SUSD6: variants seen among roughly 807,000 people sequenced by gnomAD.
SUSD6 encodes the protein sushi domain-containing protein 6.
A neutral mutation model predicts 28.4 loss-of-function variants in SUSD6; 16 were observed. The observed-to-expected ratio is 0.56, with a 90% CI of 0.38 to 0.86. SUSD6 has a LOEUF of 0.86. SUSD6 is among the 40% of genes least tolerant of loss of function. The pLI, the probability that SUSD6 is intolerant of heterozygous loss-of-function variation, is 0.00. For synonymous variants in SUSD6, 147 were observed against 159.6 expected (o/e 0.92, Z 0.59); for missense variants, 341 against 384.2 (o/e 0.89, Z 0.94).
chr14:69,712,029 G>A lies in SUSD6; in HGVS notation c.*1050G>A, dbSNP rs1264143909. ...TCTGGGTTTGTGGTGACGGAGGGGA[G>A]GCCGAGAGGCACAGACCAAGTCCCC... On this transcript the variant is annotated 3_prime_UTR_variant, in exon 6 of 6. Coordinates refer to ENST00000342745, the MANE Select transcript of SUSD6 (RefSeq NM_014734.4). The A allele has an allele frequency of 6.6e-6, 1 of 152,350 alleles. No homozygotes were observed. Among genetic ancestry groups the A allele is most frequent in the African/African-American group, 2.4e-5 (1 of 41,450 alleles). The allele number at this position is 152,350 out of a possible 1,614,324, so 9.4% of individuals were successfully genotyped here.
Position 69,658,569 on chromosome 14 carries a change from TA to T in SUSD6, c.-17del, listed in dbSNP as rs1474875337. ...TTCTGGATTTTAAATTTTTTCTTTT[TA>T]AAAAAACTTGGACGGATAAAAGATG... On this transcript the variant is annotated 5_prime_UTR_variant, in exon 2 of 6. Coordinates refer to ENST00000342745, the MANE Select transcript of SUSD6 (RefSeq NM_014734.4). 3 of 1,612,378 alleles carry T rather than the reference TA, an allele frequency of 1.9e-6. No homozygotes were observed. The highest frequency in any genetic ancestry group is 1.1e-5 in the South Asian group (1 of 90,748).
Position 69,714,081 on chromosome 14 carries a change from T to A in SUSD6, c.*3102T>A, listed in dbSNP as rs1886510986. On this transcript the variant is annotated 3_prime_UTR_variant, in exon 6 of 6. Coordinates refer to ENST00000342745, the MANE Select transcript of SUSD6 (RefSeq NM_014734.4). Reference sequence around the variant, plus strand: ...GAAATCGACTGAATCCTGGCCACTTTATGAGTTTGTTTGGTTTTATAAGGC... The same window carrying A: ...GAAATCGACTGAATCCTGGCCACTTAATGAGTTTGTTTGGTTTTATAAGGC... The A allele has an allele frequency of 2.0e-5, 3 of 152,218 alleles. No homozygotes were observed. The highest frequency in any genetic ancestry group is 4.4e-5 in the Non-Finnish European group (3 of 68,050). 9.4% of individuals were successfully genotyped at this position (152,218 alleles called of 1,614,324 possible).
intron 1 of SUSD6, among the ~76,000 whole-genome samples, chr14:69,616,001 T>C (rs1884954423): frequency 6.6e-6 from 1 of 152,262 alleles, no homozygotes; most frequent in Admixed American, 6.5e-5. Flanking sequence ...TCCCCGCTCC[T>C]ACACACATAC....
At chr14:69,702,960 G>A (rs1170951724) in intron 2 of SUSD6, among the ~76,000 whole-genome samples, 2 of 152,128 alleles carry the variant, frequency 1.3e-5, no homozygotes, top group East Asian at 1.9e-4. Flanking sequence ...AAGAGTGCAC[G>A]TTTTTATTAT....
chr14:69,657,888 C>T (rs955341230), intron 1 of SUSD6, among the ~76,000 whole-genome samples: 9 of 152,112 alleles, frequency 5.9e-5, no homozygotes, highest in Non-Finnish European at 1.3e-4. Context: ...AATTGCAGCC[C>T]ATTCTCCATG....
chr14:69,661,401 G>A (rs894624313), intron 2 of SUSD6, among the ~76,000 whole-genome samples: 20 of 152,112 alleles, frequency 1.3e-4, no homozygotes, highest in African/African-American at 4.8e-5. Flanking sequence ...GGAAAAATGT[G>A]TCTGTTTATA....
intron 2 of SUSD6, among the ~76,000 whole-genome samples, chr14:69,688,766 CTT>C (rs1886111746): frequency 1.3e-5 from 2 of 152,296 alleles, no homozygotes; most frequent in South Asian, 4.1e-4. Context: ...TGTAGGCAGA[CTT>C]ATATGGGCAG....
chr14:69,641,147 T>C (rs1885345662), intron 1 of SUSD6, among the ~76,000 whole-genome samples: 1 of 152,246 alleles, frequency 6.6e-6, no homozygotes, highest in Admixed American at 6.5e-5. Flanking sequence ...CTGTCTGCCA[T>C]GTGTCTAATT....
chr14:69,676,507 G>A (rs1035864896), intron 2 of SUSD6, among the ~76,000 whole-genome samples: 3 of 152,086 alleles, frequency 2.0e-5, no homozygotes, highest in African/African-American at 7.2e-5. Context: ...AGCCTTCTGA[G>A]TAGCTGGGAC....
intron 1 of SUSD6, among the ~76,000 whole-genome samples, chr14:69,616,893 A>G (rs1884967426): frequency 6.6e-6 from 1 of 152,106 alleles, no homozygotes; most frequent in South Asian, 2.1e-4. Flanking sequence ...ATCTATCACC[A>G]TAATCTAATT....
chr14:69,682,867 C>G (rs914674917), intron 2 of SUSD6, among the ~76,000 whole-genome samples: 1 of 151,234 alleles, frequency 6.6e-6, no homozygotes, highest in African/African-American at 2.4e-5. Flanking sequence ...CTAGAACAGG[C>G]TTTGCCAAGG....
intron 1 of SUSD6, among the ~76,000 whole-genome samples, chr14:69,644,246 C>T (rs1433237335): frequency 2.0e-5 from 3 of 152,134 alleles, no homozygotes; most frequent in African/African-American, 7.2e-5. Context: ...TTCATAAGCC[C>T]TGTCTGGAGG....
chr14:69,639,051 T>A (rs1566592341), intron 1 of SUSD6, among the ~76,000 whole-genome samples: 1 of 152,004 alleles, frequency 6.6e-6, no homozygotes, highest in East Asian at 1.9e-4. Flanking sequence ...CCAGGCCGGG[T>A]GCAGTGGCTC....
At chr14:69,616,887 A>G (rs541219736) in intron 1 of SUSD6, among the ~76,000 whole-genome samples, 1 of 152,172 alleles carries the variant, frequency 6.6e-6, no homozygotes, top group South Asian at 2.1e-4. Flanking sequence ...TTGTACATCT[A>G]TCACCATAAT....
At chr14:69,668,251 G>A (rs758145401) in intron 2 of SUSD6, among the ~76,000 whole-genome samples, 7 of 152,222 alleles carry the variant, frequency 4.6e-5, no homozygotes, top group Non-Finnish European at 7.3e-5. Context: ...GCCTAGAAGA[G>A]TACGTTGCAG....
chr14:69,633,769 C>T (rs1441135997), intron 1 of SUSD6, among the ~76,000 whole-genome samples: 1 of 152,172 alleles, frequency 6.6e-6, no homozygotes, highest in Non-Finnish European at 1.5e-5. Flanking sequence ...TCCTCAACTC[C>T]ACTGAAATTC....
intron 2 of SUSD6, among the ~76,000 whole-genome samples, chr14:69,672,463 T>C (rs1885847421): frequency 6.6e-6 from 1 of 152,102 alleles, no homozygotes; most frequent in African/African-American, 2.4e-5. Context: ...AGCAGAAGGC[T>C]AAGAAGAGCA....
At chr14:69,699,394 G>A (rs1886279804) in intron 2 of SUSD6, among the ~76,000 whole-genome samples, 1 of 151,968 alleles carries the variant, frequency 6.6e-6, no homozygotes, top group South Asian at 2.1e-4. Flanking sequence ...AGTAGAGATG[G>A]GGATTCACCG....
At chr14:69,661,179 G>A (rs982883474) in intron 2 of SUSD6, among the ~76,000 whole-genome samples, 2 of 152,140 alleles carry the variant, frequency 1.3e-5, no homozygotes, top group Admixed American at 6.5e-5. Context: ...CTGCCCTGGC[G>A]TGTGGTGTTA....
Sources: gnomAD v4.1 joint callset for allele counts (sites outside exome capture counted in the v4.1 genomes callset) on GRCh38, gnomAD v4.1.1 for gene constraint, MANE v1.5 for transcripts, NCBI Gene and HGNC (gene_info 2026-07-23, HGNC 2026-07-21) for gene names.